TTN: variants seen among roughly 807,000 people sequenced by gnomAD.
TTN encodes the protein connectin.
TTN carries 1,525 observed loss-of-function variants against 3,223.0 expected under a neutral mutation model. The ratio of observed to expected loss-of-function variants is 0.47; its 90% CI spans 0.45 to 0.49. The LOEUF (loss-of-function observed/expected upper bound fraction) is 0.49. TTN is among the 20% of genes least tolerant of loss of function. TTN has a pLI of 0.00. For missense variants in TTN, 40,786 were observed against 43,424.0 expected, an observed-to-expected ratio of 0.94 and a Z score of 5.40; for synonymous variants, 14,094 against 15,161.0, an observed-to-expected ratio of 0.93 and a Z score of 5.17.
Position 178,773,477 on chromosome 2 carries a change from T to C in TTN, c.7579A>G (p.Asn2527Asp), listed in dbSNP as rs773079394. The change falls in exon 32 of 363, where the codon AAT becomes GAT. Residue 2527 changes from asparagine (N) to aspartate (D), a missense_variant. Transcript: ENST00000589042. ...LIVGRVETNC[N>D]LSVEKIKIIR... is the part of the protein sequence containing the mutation. ...TAATCCTTACTTTCTACAGAGAGAT[T>C]ACAGTTGGTTTCAACTCTGCCAACT... The C allele has an allele frequency of 1.2e-6, 2 of 1,613,940 alleles. No homozygotes were observed. Among genetic ancestry groups the C allele is most frequent in the South Asian group, 1.1e-5 (1 of 91,086 alleles).
intron 102 of TTN, among the ~76,000 whole-genome samples, chr2:178,705,683 A>G (rs1321519466): frequency 6.6e-6 from 1 of 152,172 alleles, no homozygotes; most frequent in Non-Finnish European, 1.5e-5. Context: ...AAAAAATAAT[A>G]ATAGCAATGG....
Position 178,589,558 on chromosome 2 carries a change from T to C in TTN, c.62167A>G (p.Ile20723Val). 1 of 1,613,208 alleles carries C rather than the reference T, an allele frequency of 6.2e-7. No individual in the cohort carries two copies. The highest frequency in any genetic ancestry group is 8.5e-7 in the Non-Finnish European group (1 of 1,179,572). ...DDWERVHKGSIKETHYMVDRC... is the reference protein window; with the variant it reads ...DDWERVHKGSVKETHYMVDRC... Reference sequence around the variant, plus strand: ...TCAACCATGTAGTGAGTTTCTTTAATGCTTCCTTTATGCACTCTTTCCCAG... The same window carrying C: ...TCAACCATGTAGTGAGTTTCTTTAACGCTTCCTTTATGCACTCTTTCCCAG... The change falls in exon 304 of 363, where the codon ATT (isoleucine) becomes GTT (valine). Residue 20723 changes from isoleucine (I) to valine (V), a missense_variant. Coordinates refer to ENST00000589042, the MANE Select transcript of TTN (RefSeq NM_001267550.2).
intron 41 of TTN, 73 bp downstream of exon 41, chr2:178,766,308 G>T: frequency 8.1e-7 from 1 of 1,239,108 alleles, no homozygotes; most frequent in Middle Eastern, 1.9e-4. Flanking sequence ...CAAGTTACAA[G>T]AATTTAGTGA....
chr2:178,676,086 T>C, intron 147 of TTN, 91 bp from the exon 148 acceptor site: 1 of 1,213,574 alleles, frequency 8.2e-7, no homozygotes, highest in East Asian at 2.6e-5. Flanking sequence ...GACCAATGTG[T>C]TAACAGTCGC....
intron 282 of TTN, among the ~76,000 whole-genome samples, chr2:178,602,875 CTACTT>C (rs2053816124): frequency 6.6e-6 from 1 of 151,920 alleles, no homozygotes; most frequent in Non-Finnish European, 1.5e-5. Context: ...TGGTAAAAAA[CTACTT>C]TACTTTTGAG....
Position 178,712,331 on chromosome 2 carries a change from T to C in TTN, c.27591A>G (p.Ala9197=), listed in dbSNP as rs1212226110. 1.2e-6 allele frequency: 2 copies of C among 1,613,638 alleles called. No homozygotes were observed. The highest frequency in any genetic ancestry group is 2.7e-5 in the African/African-American group (2 of 75,030). ...ATGACAAACCTAGTATGAGTATTTG[T>C]GCTGAACAGGAATCTTTTCCAGAGG... The part of the protein sequence containing the change: ...ENASGKDSCS[A]QILILEPPYF... Residue 9197 remains alanine, a synonymous_variant, in exon 95 of 363, where the codon GCA becomes GCG. Coordinates refer to ENST00000589042, the MANE Select transcript of TTN (RefSeq NM_001267550.2).
rs1362341150 is a variant in TTN at position 178,722,489 on chromosome 2, C to A, written c.22298G>T (p.Gly7433Val). The part of the protein sequence containing the change: ...RQLKDIEQTV[G>V]LPVTLTCRLN... ...TCGACAAGTGAGTGTAACAGGTAACCCCACAGTTTGTTCAATGTCCTTTAA... is the reference window on the plus strand; with the variant it reads ...TCGACAAGTGAGTGTAACAGGTAACACCACAGTTTGTTCAATGTCCTTTAA... The change falls in exon 77 of 363, where the codon GGG (glycine) becomes GTG (valine). Residue 7433 changes from glycine (G) to valine (V), a missense_variant. Physicochemically the swap from Gly to Val is moderately radical, Grantham distance 109. Transcript: ENST00000589042. 1.2e-6 allele frequency: 2 copies of A among 1,613,316 alleles called. No homozygotes were observed.
chr2:178,636,162 C>T lies in TTN; in HGVS notation c.41409G>A (p.Glu13803=). 4 of 1,612,896 alleles carry T rather than the reference C, an allele frequency of 2.5e-6. No homozygotes were observed. Among genetic ancestry groups the T allele is most frequent in the South Asian group, 2.2e-5 (2 of 91,012 alleles). ...VKGQPLYLSC[E]LNKERDVVWR... ...AGACCACGTCACGCTCTTTGTTTAACTCGCAGCTCAAGTACAATGGCTGTC... is the reference window on the plus strand; with the variant it reads ...AGACCACGTCACGCTCTTTGTTTAATTCGCAGCTCAAGTACAATGGCTGTC... Residue 13803 remains glutamate (E), a synonymous_variant, in exon 226 of 363, where the codon GAG becomes GAA. Transcript: ENST00000589042. The surrounding 1 kb of genome is among the most constrained non-coding windows in gnomAD (Gnocchi z 4.3).
chr2:178,789,796 T>C (rs1257573448), intron 12 of TTN, among the ~76,000 whole-genome samples, 182 bp downstream of exon 12: 5 of 152,182 alleles, frequency 3.3e-5, no homozygotes, highest in South Asian at 4.1e-4. Flanking sequence ...ATGTTACAGA[T>C]GGATGAAAAT....
chr2:178,577,208 G>C lies in TTN; in HGVS notation c.69127C>G (p.Pro23043Ala), dbSNP rs1251404237. The C allele has an allele frequency of 6.2e-7, 1 of 1,612,844 alleles. No homozygotes were observed. Residue 23043 changes from proline to alanine, a missense_variant, in exon 324 of 363, where the codon CCC becomes GCC. Coordinates refer to ENST00000589042, the MANE Select transcript of TTN (RefSeq NM_001267550.2). ...TTACTGATTTCAACAGGACCTGGGG[G>C]ACCAGGTACATCAAGGACTGTTACC... ...VKVTVLDVPG[P>A]PGPVEISNVS...
At position 178,723,432 on chromosome 2, in the gene TTN, C is replaced by T. The variant is rs138853909; in HGVS notation, c.21668G>A (p.Arg7223His). 3.3e-4 allele frequency: 527 copies of T among 1,611,594 alleles called. No individual in the cohort carries two copies. The highest frequency in any genetic ancestry group is 2.0e-3 in the African/African-American group (151 of 74,932). ...CTTGAGCAAACCTTTCACAAAGAGACGGGTAGTGCAAGATGCTTGGCCAGC... is the reference window on the plus strand; with the variant it reads ...CTTGAGCAAACCTTTCACAAAGAGATGGGTAGTGCAAGATGCTTGGCCAGC... ...NNAGQASCTT[R>H]LFVKEPAAFL... The change falls in exon 74 of 363, where the codon CGT becomes CAT. Residue 7223 changes from arginine (R) to histidine (H), a missense_variant. By Grantham distance (29) the Arg-to-His change is conservative. Coordinates refer to ENST00000589042, the MANE Select transcript of TTN (RefSeq NM_001267550.2).
At chr2:178,593,920 A>C (rs1278030298) in intron 297 of TTN, 41 bp downstream of exon 297, 2 of 1,607,612 alleles carry the variant, frequency 1.2e-6, no homozygotes, top group Admixed American at 3.4e-5. Context: ...TCTGCTTTTG[A>C]AAGAACAGAA....
intron 294 of TTN, among the ~76,000 whole-genome samples, 174 bp from the exon 295 acceptor site, chr2:178,595,983 A>G (rs1021230582): frequency 1.5e-5 from 2 of 137,024 alleles, no homozygotes; most frequent in Non-Finnish European, 1.6e-5. Context: ...ACAGTCAACC[A>G]CTTTTTTTTT....
chr2:178,794,230 C>T (rs982723272), intron 8 of TTN, among the ~76,000 whole-genome samples, 169 bp downstream of exon 8: 6 of 152,194 alleles, frequency 3.9e-5, no homozygotes, highest in African/African-American at 1.4e-4. Flanking sequence ...TTGACATCTC[C>T]GACCACCTTT....
At chr2:178,595,440 T>G in intron 295 of TTN, 67 bp downstream of exon 295, 1 of 1,448,216 alleles carries the variant, frequency 6.9e-7, no homozygotes, top group Non-Finnish European at 9.3e-7. Flanking sequence ...CACATATTTT[T>G]TCACCATAGT....
chr2:178,608,126 A>G (rs376703654), intron 275 of TTN, 45 bp from the exon 276 acceptor site: 12 of 1,604,790 alleles, frequency 7.5e-6, no homozygotes. Context: ...TGATGGTTTT[A>G]AAATGTACAA....
rs794729280 is a variant in TTN at position 178,584,552 on chromosome 2, G to A, written c.64999C>T (p.Arg21667Ter). Reference protein sequence around the residue: ...FGVPSEPKNARVTKVNKDCIF... With the variant: ...FGVPSEPKNA ...CAGTCCTTGTTGACTTTGGTGACTCGTGCATTCTTTGGTTCACTAGGAACA... is the reference window on the plus strand; with the variant it reads ...CAGTCCTTGTTGACTTTGGTGACTCATGCATTCTTTGGTTCACTAGGAACA... Residue 21667 changes from arginine (R) to a stop codon, truncating the protein, a stop_gained, in exon 311 of 363, where the codon CGA (arginine) becomes TGA (stop). Transcript: ENST00000589042. LOFTEE classifies it high-confidence loss of function. 1.9e-6 allele frequency: 3 copies of A among 1,612,466 alleles called. No individual in the cohort carries two copies. The highest frequency in any genetic ancestry group is 1.7e-5 in the Admixed American group (1 of 59,956).
At position 178,624,478 on chromosome 2, in the gene TTN, G is replaced by T; in HGVS notation, c.44802C>A (p.Asn14934Lys). ...CDAKDFKTSC[N>K]LNVVPPHVEF... ...AAGAATACTTACGCACGACATTCAG[G>T]TTACAGGAAGTCTTAAAATCCTTAG... The change falls in exon 242 of 363, where the codon AAC becomes AAA. Residue 14934 changes from asparagine to lysine, a missense_variant. Coordinates refer to ENST00000589042, the MANE Select transcript of TTN (RefSeq NM_001267550.2). 2 of 1,612,398 alleles carry T rather than the reference G, an allele frequency of 1.2e-6. No homozygotes were observed. The highest frequency in any genetic ancestry group is 1.7e-6 in the Non-Finnish European group (2 of 1,178,936).
chr2:178,760,659 A>T (rs1283618985), intron 43 of TTN, among the ~76,000 whole-genome samples: 1 of 152,184 alleles, frequency 6.6e-6, no homozygotes, highest in African/African-American at 2.4e-5. Context: ...TTCGTTGCAT[A>T]TAATTGCTGT....
Sources: allele counts gnomAD v4.1 joint callset (sites outside exome capture counted in the v4.1 genomes callset), GRCh38; gene constraint gnomAD v4.1.1; non-coding constraint Gnocchi (gnomAD v3.1); transcripts MANE v1.5; gene names NCBI Gene and HGNC (gene_info 2026-07-23, HGNC 2026-07-21).